PLXNA4: variants seen among roughly 807,000 people sequenced by gnomAD.
PLXNA4 encodes the protein plexin A4, also known as plexin-A4.
PLXNA4 carries 44 observed loss-of-function variants against 191.8 expected under a neutral mutation model. The ratio of observed to expected loss-of-function variants is 0.23; its 90% CI spans 0.18 to 0.29. PLXNA4 has a LOEUF of 0.29. PLXNA4 is among the 10% of genes least tolerant of loss of function. PLXNA4 has a pLI of 1.00. For synonymous variants in PLXNA4, 1,082 were observed against 1,009.5 expected, an observed-to-expected ratio of 1.07 and a Z score of -1.36; for missense variants, 1,800 against 2,488.8, an observed-to-expected ratio of 0.72 and a Z score of 5.89.
chr7:132,422,018 C>T (rs890148003), intron 3 of PLXNA4, among the ~76,000 whole-genome samples: 2 of 152,200 alleles, frequency 1.3e-5, no homozygotes, highest in African/African-American at 4.8e-5. Context: ...TCAAAGTGCC[C>T]TGAGCCTTTC....
rs1337573584 is a variant in PLXNA4, at chr7:132,384,124, G to A, written c.1372-85902C>T. ...AGCACACAGATGAAGGTTCTCAAGA[G>A]CCCTCCTGATTCATTCCCTCCCACA... On this transcript the variant is annotated intron_variant, in intron 3 of 31. Transcript: ENST00000321063. The A allele has an allele frequency of 1.2e-5, 12 of 985,406 alleles. No homozygotes were observed. The East Asian group carries it at 1.0e-3, about 84-fold the overall frequency. The allele number at this position is 985,406 out of a possible 1,614,324, so 61.0% of individuals were successfully genotyped here. A position where few individuals can be genotyped will look rare whatever the true frequency, so the allele number is the denominator to read the frequency against.
At chr7:132,410,982 C>T (rs1794434892) in intron 3 of PLXNA4, among the ~76,000 whole-genome samples, 1 of 152,172 alleles carries the variant, frequency 6.6e-6, no homozygotes, top group African/African-American at 2.4e-5. Context: ...AGTTCTGGTG[C>T]TTTGGCCATC....
chr7:132,402,792 A>G (rs757324474), intron 3 of PLXNA4, among the ~76,000 whole-genome samples: 34 of 152,336 alleles, frequency 2.2e-4, no homozygotes, highest in Admixed American at 5.2e-4. Context: ...ATCACTTTGC[A>G]TGAGACAGGT....
chr7:132,303,501 G>A (rs993573148), intron 3 of PLXNA4, among the ~76,000 whole-genome samples: 2 of 152,062 alleles, frequency 1.3e-5, no homozygotes, highest in African/African-American at 4.8e-5. Context: ...CCTGGGAGGC[G>A]GAGGTTGCAG....
chr7:132,331,481 A>G (rs1381106812), intron 3 of PLXNA4, among the ~76,000 whole-genome samples: 1 of 152,204 alleles, frequency 6.6e-6, no homozygotes. Context: ...CTGGGGCATC[A>G]GGTCTGAGTC....
rs185726128 is a variant in PLXNA4, at chr7:132,263,525, T to C, written c.1504-22359A>G. 1.1e-3 allele frequency among the ~76,000 whole-genome samples: 162 copies of C among 152,328 alleles called. 1 individual carries two copies. The highest frequency in any genetic ancestry group is 1.6e-4 in the Non-Finnish European group (11 of 68,040). On this transcript the variant is annotated intron_variant, in intron 4 of 31. Transcript: ENST00000321063. ...ACCCTACCTGGGTTGTTCTGAGAGC[T>C]TGTCACACTCTAGTTCTGGTTTGGA...
At chr7:132,560,805 G>C (rs961975201) in intron 1 of PLXNA4, among the ~76,000 whole-genome samples, 1 of 151,982 alleles carries the variant, frequency 6.6e-6, no homozygotes, top group Non-Finnish European at 1.5e-5. Context: ...GTTCCTTGCT[G>C]CCCACCACCT....
chr7:132,256,497 G>T (rs1303771050), intron 4 of PLXNA4, among the ~76,000 whole-genome samples: 1 of 152,064 alleles, frequency 6.6e-6, no homozygotes, highest in East Asian at 1.9e-4. Context: ...CACCCCTCAG[G>T]GATGCTCACA....
intron 1 of PLXNA4, among the ~76,000 whole-genome samples, chr7:132,549,631 T>C (rs1800468936): frequency 6.6e-6 from 1 of 150,912 alleles, no homozygotes; most frequent in African/African-American, 2.4e-5. Flanking sequence ...TCTGGGAGGG[T>C]CATTTCCCTG....
At chr7:132,421,238 C>T (rs549206653) in intron 3 of PLXNA4, among the ~76,000 whole-genome samples, 9 of 152,266 alleles carry the variant, frequency 5.9e-5, no homozygotes, top group South Asian at 2.1e-4. Flanking sequence ...CTCATGTTTT[C>T]GAGGTTCATC....
chr7:132,561,913 TATC>T (rs1801142474), intron 1 of PLXNA4, among the ~76,000 whole-genome samples: 1 of 83,236 alleles, frequency 1.2e-5, no homozygotes, highest in Admixed American at 1.2e-4. Flanking sequence ...TTCTCCTCCT[TATC>T]CTCCTCCTCA....
chr7:132,470,820 G>C (rs967805148), intron 3 of PLXNA4, among the ~76,000 whole-genome samples: 2 of 152,164 alleles, frequency 1.3e-5, no homozygotes, highest in African/African-American at 4.8e-5. Flanking sequence ...GAAAAAGACA[G>C]GAAATAGATT....
chr7:132,234,834 GAGTTTGCTGGGTGGA>G (rs537627405), intron 5 of PLXNA4, among the ~76,000 whole-genome samples: 1 of 152,254 alleles, frequency 6.6e-6, no homozygotes, highest in East Asian at 1.9e-4. Context: ...AGACTGCAAA[GAGTTTGCTGGGTGGA>G]AGTGGACACC....
At chr7:132,354,342 G>T (rs1237402782) in intron 3 of PLXNA4, among the ~76,000 whole-genome samples, 4 of 152,268 alleles carry the variant, frequency 2.6e-5, no homozygotes, top group South Asian at 2.1e-4. Flanking sequence ...ACCCACTGGG[G>T]TCTAAAATCT....
chr7:132,633,791 T>G (rs550089133), intron 2 of PLXNA4, among the ~76,000 whole-genome samples: 1 of 152,170 alleles, frequency 6.6e-6, no homozygotes, highest in Non-Finnish European at 1.5e-5. Flanking sequence ...CATGTCCCCA[T>G]AGCCTGTCCG....
intron 2 of PLXNA4, among the ~76,000 whole-genome samples, chr7:132,505,197 G>C (rs530270041): frequency 6.6e-6 from 1 of 152,208 alleles, no homozygotes; most frequent in African/African-American, 2.4e-5. Context: ...ATTACTCCCC[G>C]TCCCGGCATT....
Position 132,507,541 on chromosome 7 carries a change from A to G in PLXNA4, c.1153T>C (p.Trp385Arg). Reference sequence around the variant, plus strand: ...CAGGGGATGTCCTTCACCTTGAGCCAGGCCAGGTCCAGCGTGCCCTCGCCC... The same window carrying G: ...CAGGGGATGTCCTTCACCTTGAGCCGGGCCAGGTCCAGCGTGCCCTCGCCC... Reference protein sequence around the residue: ...YRGEGTLDLAWLKVKDIPCSS... With the variant: ...YRGEGTLDLARLKVKDIPCSS... Residue 385 changes from tryptophan (W) to arginine (R), a missense_variant, in exon 2 of 32, where the codon TGG (tryptophan) becomes CGG (arginine). Physicochemically the swap from Trp to Arg is moderately radical, Grantham distance 101. Transcript: ENST00000321063. The G allele has an allele frequency of 6.2e-7, 1 of 1,613,718 alleles. No homozygotes were observed. Among genetic ancestry groups the G allele is most frequent in the Non-Finnish European group, 8.5e-7 (1 of 1,179,908 alleles).
At chr7:132,614,507 G>C (rs970584874) in intron 2 of PLXNA4, among the ~76,000 whole-genome samples, 3 of 152,200 alleles carry the variant, frequency 2.0e-5, no homozygotes, top group African/African-American at 7.2e-5. Flanking sequence ...TAAGTTGATG[G>C]AAATAAAGCT....
intron 3 of PLXNA4, among the ~76,000 whole-genome samples, chr7:132,313,964 C>T (rs1227091342): frequency 6.6e-6 from 1 of 152,134 alleles, no homozygotes; most frequent in African/African-American, 2.4e-5. Flanking sequence ...CACGTTGCCC[C>T]CAGACACTAC....
Sources: allele counts gnomAD v4.1 joint callset (sites outside exome capture counted in the v4.1 genomes callset), GRCh38; gene constraint gnomAD v4.1.1; transcripts MANE v1.5; gene names NCBI Gene and HGNC (gene_info 2026-07-23, HGNC 2026-07-21).